The following TBCD variants were observed in gnomAD, a reference collection of about 807,000 sequenced individuals.
TBCD encodes the protein tubulin-specific chaperone D.
In TBCD, 105 loss-of-function variants were observed where a neutral mutation model predicts 169.3. That is an observed-to-expected ratio of 0.62 (90% CI 0.53 to 0.73). TBCD has a LOEUF of 0.73. Among genes scored for constraint, TBCD ranks in the 30% least tolerant of loss-of-function variants. The pLI is 0.00. For missense variants in TBCD, 1,444 were observed against 1,600.1 expected, an observed-to-expected ratio of 0.90 and a Z score of 1.66; for synonymous variants, 700 against 643.9, an observed-to-expected ratio of 1.09 and a Z score of -1.32.
At chr17:82,869,138 T>C (rs1002006406) in intron 13 of TBCD, among the ~76,000 whole-genome samples, 1 of 152,230 alleles carries the variant, frequency 6.6e-6, no homozygotes, top group African/African-American at 2.4e-5. Flanking sequence ...TGGGTCTCCA[T>C]TGCTGGCTTC....
Position 82,832,136 on chromosome 17 carries a change from C to A in TBCD, c.1318+17202C>A, listed in dbSNP as rs1020544197. 4 of 1,614,094 alleles carry A rather than the reference C, an allele frequency of 2.5e-6. No individual in the cohort carries two copies. Among genetic ancestry groups the A allele is most frequent in the Non-Finnish European group, 2.5e-6 (3 of 1,180,044 alleles). The stretch of plus-strand genomic sequence containing the variant: ...AGGTTTTCCTTGATGTCTTCCCTGG[C>A]AGAGCTGTGCTGAAGCTTCGAGTCG... On this transcript the variant is annotated intron_variant, in intron 13 of 38. Coordinates refer to ENST00000355528, the MANE Select transcript of TBCD (RefSeq NM_005993.5). The surrounding 1 kb of genome is among the most constrained non-coding windows in gnomAD (Gnocchi z 4.9).
At chr17:82,816,558 C>T (rs533291664) in intron 13 of TBCD, among the ~76,000 whole-genome samples, 108 of 151,392 alleles carry the variant, frequency 7.1e-4, no homozygotes, top group South Asian at 1.5e-3. Context: ...TTTTTGGACG[C>T]GGTTTCACTT....
intron 15 of TBCD, among the ~76,000 whole-genome samples, chr17:82,885,913 G>A (rs2058677697): frequency 6.6e-6 from 1 of 152,096 alleles, no homozygotes; most frequent in African/African-American, 2.4e-5. Context: ...GAGGATTGAG[G>A]GCCTCATAAT....
chr17:82,920,643 AGC>A lies in TBCD; in HGVS notation c.2101+26_2101+27del. On this transcript the variant is annotated intron_variant, in intron 24 of 38. Coordinates refer to ENST00000355528, the MANE Select transcript of TBCD (RefSeq NM_005993.5). This position sits in a 1 kb window ranked among gnomAD's most constrained non-coding sequence, Gnocchi z 4.1. The stretch of plus-strand genomic sequence containing the variant: ...GGTAAGTGCTTTTGTTTTTAATAAT[AGC>A]ATTTTCTTACAGAATGACTTCAGAT... 6.5e-7 allele frequency: 1 copy of A among 1,527,552 alleles called. No homozygotes were observed. The highest frequency in any genetic ancestry group is 8.8e-7 in the Non-Finnish European group (1 of 1,133,396). The allele number at this position is 1,527,552 out of a possible 1,614,324, so 94.6% of individuals were successfully genotyped here. A position where few individuals can be genotyped will look rare whatever the true frequency, so the allele number is the denominator to read the frequency against.
Position 82,930,492 on chromosome 17 carries a change from A to T in TBCD, c.2992-30A>T, listed in dbSNP as rs2062109374. 3 of 1,607,504 alleles carry T rather than the reference A, an allele frequency of 1.9e-6. No homozygotes were observed. Among genetic ancestry groups the T allele is most frequent in the African/African-American group, 2.7e-5 (2 of 74,906 alleles). ...GAGGGGTGGCAGGCTCGGGGGTCCCACTGCCTTCTGAGGTGTCTCCGTGTT... is the reference window on the plus strand; with the variant it reads ...GAGGGGTGGCAGGCTCGGGGGTCCCTCTGCCTTCTGAGGTGTCTCCGTGTT... On this transcript the variant is annotated intron_variant, in intron 32 of 38. Coordinates refer to ENST00000355528, the MANE Select transcript of TBCD (RefSeq NM_005993.5). The surrounding 1 kb of genome is among the most constrained non-coding windows in gnomAD (Gnocchi z 5.2).
At chr17:82,925,934 CCGGG>C (rs2061713552) in intron 27 of TBCD, among the ~76,000 whole-genome samples, 2 of 148,618 alleles carry the variant, frequency 1.3e-5, no homozygotes, top group African/African-American at 4.9e-5. Context: ...TGACCTCTCC[CCGGG>C]TGTCCTTCCT....
At chr17:82,927,074 G>A (rs1414312531) in intron 28 of TBCD, 112 bp from the exon 29 acceptor site, 2 of 1,486,816 alleles carry the variant, frequency 1.3e-6, no homozygotes, top group Non-Finnish European at 1.8e-6. Flanking sequence ...CGAGGGTCCT[G>A]GACTGTTCTG....
intron 7 of TBCD, among the ~76,000 whole-genome samples, chr17:82,784,342 C>G (rs550647736): frequency 6.6e-6 from 1 of 152,160 alleles, no homozygotes; most frequent in African/African-American, 2.4e-5. Flanking sequence ...GATGTGCTGT[C>G]TGTGTCCCCA....
intron 8 of TBCD, among the ~76,000 whole-genome samples, chr17:82,800,330 T>TAAGG (rs2050415110): frequency 6.6e-6 from 1 of 152,112 alleles, no homozygotes; most frequent in Non-Finnish European, 1.5e-5. Context: ...TCCCCTTGGC[T>TAAGG]CAGCCTCCTG....
At chr17:82,918,513 AGT>A (rs1403908680) in intron 23 of TBCD, 1 of 152,138 alleles carries the variant, frequency 6.6e-6, no homozygotes, top group Non-Finnish European at 1.5e-5. Context: ...GTTTTACCAG[AGT>A]GTGTTCGACC....
intron 13 of TBCD, among the ~76,000 whole-genome samples, chr17:82,845,895 C>T (rs1372477942): frequency 1.4e-4 from 22 of 152,206 alleles, no homozygotes; most frequent in Admixed American, 1.3e-3. Flanking sequence ...CCTTTGTGTT[C>T]CTTGTGAGGT....
chr17:82,836,704 CAA>C (rs1302526672), intron 13 of TBCD, among the ~76,000 whole-genome samples: 6 of 146,616 alleles, frequency 4.1e-5, no homozygotes, highest in African/African-American at 1.3e-4. Flanking sequence ...AAAAACAAAA[CAA>C]AACAAAACCA....
At chr17:82,802,484 C>T (rs1163965603) in intron 9 of TBCD, among the ~76,000 whole-genome samples, 1 of 152,160 alleles carries the variant, frequency 6.6e-6, no homozygotes, top group Non-Finnish European at 1.5e-5. Flanking sequence ...AGGCAGGGTT[C>T]TCCAGAGAAG....
chr17:82,884,049 G>A lies in TBCD; in HGVS notation c.1476-96G>A. On this transcript the variant is annotated intron_variant, in intron 14 of 38. Transcript: ENST00000355528. The surrounding 1 kb of genome is among the most constrained non-coding windows in gnomAD (Gnocchi z 4.2). ...TGGGGCATGTCTGAACCTCAAGTGG[G>A]CCTGAGTCGTGAGAGAAAGGCTTTC... 1 of 1,218,842 alleles carries A rather than the reference G, an allele frequency of 8.2e-7. No homozygotes were observed. Among genetic ancestry groups the A allele is most frequent in the Non-Finnish European group, 1.2e-6 (1 of 851,894 alleles). The allele number at this position is 1,218,842 out of a possible 1,614,324, so 75.5% of individuals were successfully genotyped here.
Position 82,831,869 on chromosome 17 carries a change from T to C in TBCD, c.1318+16935T>C. ...CCAGGAGTGTGGAAGGCCGACTTGG[T>C]GTGGAAAGACACGGCCTTGGCAGTG... On this transcript the variant is annotated intron_variant, in intron 13 of 38. Coordinates refer to ENST00000355528, the MANE Select transcript of TBCD (RefSeq NM_005993.5). This position sits in a 1 kb window ranked among gnomAD's most constrained non-coding sequence, Gnocchi z 4.6. 1 of 1,614,056 alleles carries C rather than the reference T, an allele frequency of 6.2e-7. No individual in the cohort carries two copies. Among genetic ancestry groups the C allele is most frequent in the Non-Finnish European group, 8.5e-7 (1 of 1,179,990 alleles).
At chr17:82,908,997 G>A (rs773173182) in intron 21 of TBCD, among the ~76,000 whole-genome samples, 1 of 152,180 alleles carries the variant, frequency 6.6e-6, no homozygotes, top group African/African-American at 2.4e-5. Context: ...GTTCTACGTC[G>A]GTCTCTGGGG....
At chr17:82,899,373 GCACGTGTCCTCAGCA>G (rs978478045) in intron 17 of TBCD, among the ~76,000 whole-genome samples, 3 of 150,372 alleles carry the variant, frequency 2.0e-5, no homozygotes, top group African/African-American at 4.9e-5. Context: ...CGTCCTCAGC[GCACGTGTCCTCAGCA>G]CGCGTGTCCT....
chr17:82,910,398 T>C (rs931115928), intron 22 of TBCD, among the ~76,000 whole-genome samples: 2 of 152,208 alleles, frequency 1.3e-5, no homozygotes, highest in African/African-American at 4.8e-5. Context: ...GGGTCTTTCG[T>C]GAAGTTTTTT....
At position 82,831,633 on chromosome 17, in the gene TBCD, T is replaced by A; in HGVS notation, c.1318+16699T>A. ...GTCTCGGGTCTTGGGTTCCGTAGACTGACAGCAGGGGTGCGTCACACTCAG... is the reference window on the plus strand; with the variant it reads ...GTCTCGGGTCTTGGGTTCCGTAGACAGACAGCAGGGGTGCGTCACACTCAG... On this transcript the variant is annotated intron_variant, in intron 13 of 38. Coordinates refer to ENST00000355528, the MANE Select transcript of TBCD (RefSeq NM_005993.5). The surrounding 1 kb of genome is among the most constrained non-coding windows in gnomAD (Gnocchi z 4.6). The A allele has an allele frequency of 6.2e-7, 1 of 1,614,162 alleles. No homozygotes were observed. The highest frequency in any genetic ancestry group is 1.3e-5 in the African/African-American group (1 of 75,038).
Sources: allele counts gnomAD v4.1 joint callset (sites outside exome capture counted in the v4.1 genomes callset), GRCh38; gene constraint gnomAD v4.1.1; non-coding constraint Gnocchi (gnomAD v3.1); transcripts MANE v1.5; gene names NCBI Gene and HGNC (gene_info 2026-07-23, HGNC 2026-07-21).